PLEKHA5: variants seen among roughly 807,000 people sequenced by gnomAD.
The protein encoded by PLEKHA5 is pleckstrin homology domain containing A5.
A neutral mutation model predicts 181.9 loss-of-function variants in PLEKHA5; 55 were observed. The observed-to-expected ratio is 0.30, with a 90% CI of 0.24 to 0.38. PLEKHA5 has a LOEUF of 0.38. PLEKHA5 is among the 10% of genes least tolerant of loss of function. PLEKHA5 has a pLI of 1.00. For missense variants in PLEKHA5, 1,432 were observed against 1,549.5 expected, an observed-to-expected ratio of 0.92 and a Z score of 1.27; for synonymous variants, 535 against 529.4, an observed-to-expected ratio of 1.01 and a Z score of -0.15.
rs2050509098 is a variant in PLEKHA5 at position 19,189,168 on chromosome 12, G to A, written c.227+56718G>A. 2.0e-5 allele frequency among the ~76,000 whole-genome samples: 3 copies of A among 152,188 alleles called. No individual in the cohort carries two copies. In the South Asian group the frequency reaches 6.2e-4, roughly 32 times the overall value. On this transcript the variant is annotated intron_variant, in intron 3 of 31. Coordinates refer to ENST00000429027, the MANE Select transcript of PLEKHA5 (RefSeq NM_001256470.2). ...GTGCCTGGAACTAGGCAAGCAAGAT[G>A]GGGTCCCCTAGCCATGGCTGGTGAG...
chr12:19,324,233 A>C (rs550555755), intron 20 of PLEKHA5, among the ~76,000 whole-genome samples: 13 of 152,280 alleles, frequency 8.5e-5, no homozygotes, highest in Admixed American at 8.5e-4. Flanking sequence ...AACGTGAGCC[A>C]TTTTTAAAGG....
intron 3 of PLEKHA5, among the ~76,000 whole-genome samples, chr12:19,158,214 G>T (rs185207034): frequency 6.6e-6 from 1 of 152,014 alleles, no homozygotes. Flanking sequence ...TTAGCCGGGC[G>T]TGGTGGCGGG....
intron 13 of PLEKHA5, among the ~76,000 whole-genome samples, chr12:19,288,590 T>C (rs538215103): frequency 5.3e-5 from 8 of 152,366 alleles, no homozygotes; most frequent in South Asian, 4.1e-4. Flanking sequence ...ATTCATCTTA[T>C]GTGTTTTGTA....
intron 15 of PLEKHA5, among the ~76,000 whole-genome samples, chr12:19,304,064 C>T (rs1592397702): frequency 6.6e-6 from 1 of 151,908 alleles, no homozygotes; most frequent in Non-Finnish European, 1.5e-5. Flanking sequence ...CTGCCTTGGC[C>T]TCCCAAAGTG....
intron 29 of PLEKHA5, among the ~76,000 whole-genome samples, chr12:19,365,318 A>G (rs775271718): frequency 5.3e-5 from 8 of 151,214 alleles, no homozygotes; most frequent in Non-Finnish European, 1.2e-4. Context: ...GTGAGCCTAG[A>G]TCGCGCCACT....
intron 3 of PLEKHA5, among the ~76,000 whole-genome samples, chr12:19,136,208 T>C (rs557174482): frequency 1.3e-5 from 2 of 152,296 alleles, no homozygotes; most frequent in Admixed American, 6.5e-5. Flanking sequence ...TTTAAAGATA[T>C]TTAATACTTT....
At chr12:19,162,477 T>G (rs2043185016) in intron 3 of PLEKHA5, among the ~76,000 whole-genome samples, 1 of 152,022 alleles carries the variant, frequency 6.6e-6, no homozygotes, top group African/African-American at 2.4e-5. Flanking sequence ...ATGGATAGCA[T>G]TTACCTTGTA....
At chr12:19,136,461 C>T (rs2035686976) in intron 3 of PLEKHA5, among the ~76,000 whole-genome samples, 1 of 152,142 alleles carries the variant, frequency 6.6e-6, no homozygotes. Flanking sequence ...TAACTTAGCC[C>T]ATAAAGCACA....
At chr12:19,354,301 G>A (rs1207299515) in intron 26 of PLEKHA5, among the ~76,000 whole-genome samples, 100 of 130,442 alleles carry the variant, frequency 7.7e-4, no homozygotes, top group East Asian at 3.6e-3. Flanking sequence ...ACAGGCGCCC[G>A]CCACCACGCC....
intron 11 of PLEKHA5, among the ~76,000 whole-genome samples, chr12:19,279,837 T>C (rs2075609615): frequency 6.6e-6 from 1 of 151,880 alleles, no homozygotes. Context: ...ATCAACCACT[T>C]TTCCTGTTTT....
Position 19,291,639 on chromosome 12 carries a change from A to G in PLEKHA5, c.1984-5A>G, listed in dbSNP as rs2078483128. 6.7e-7 allele frequency: 1 copy of G among 1,496,228 alleles called. No homozygotes were observed. Among genetic ancestry groups the G allele is most frequent in the African/African-American group, 1.4e-5 (1 of 72,158 alleles). The allele number at this position is 1,496,228 out of a possible 1,614,324, so 92.7% of individuals were successfully genotyped here. A position where few individuals can be genotyped will look rare whatever the true frequency, so the allele number is the denominator to read the frequency against. On this transcript the variant is annotated splice_region_variant and splice_polypyrimidine_tract_variant and intron_variant, in intron 14 of 31. Coordinates refer to ENST00000429027, the MANE Select transcript of PLEKHA5 (RefSeq NM_001256470.2). The stretch of plus-strand genomic sequence containing the variant: ...GTCCCTTTTTTCTTAATTGGTGCCT[A>G]CTAGAATGAAATTCTTTCACATCAT...
chr12:19,249,827 T>G (rs2064787978), intron 3 of PLEKHA5, among the ~76,000 whole-genome samples: 1 of 152,208 alleles, frequency 6.6e-6, no homozygotes, highest in Non-Finnish European at 1.5e-5. Context: ...TGCCATTGTT[T>G]TCTGCTACCT....
At chr12:19,157,341 C>T (rs557088527) in intron 3 of PLEKHA5, among the ~76,000 whole-genome samples, 3 of 152,120 alleles carry the variant, frequency 2.0e-5, no homozygotes, top group Admixed American at 2.0e-4. Context: ...AGTCTACAAA[C>T]TCTTCATGAA....
intron 3 of PLEKHA5, among the ~76,000 whole-genome samples, chr12:19,166,880 T>C (rs771885616): frequency 2.1e-4 from 32 of 152,230 alleles, no homozygotes; most frequent in Non-Finnish European, 3.7e-4. Context: ...TATATTTGTT[T>C]AAATTAAGTT....
At chr12:19,142,391 A>G (rs1177786023) in intron 3 of PLEKHA5, among the ~76,000 whole-genome samples, 2 of 152,164 alleles carry the variant, frequency 1.3e-5, no homozygotes, top group Non-Finnish European at 2.9e-5. Context: ...TTTAAAAGCT[A>G]TTCAACATAA....
At chr12:19,177,892 A>G (rs1351040548) in intron 3 of PLEKHA5, among the ~76,000 whole-genome samples, 1 of 152,204 alleles carries the variant, frequency 6.6e-6, no homozygotes, top group Non-Finnish European at 1.5e-5. Context: ...CTTTTCTGTG[A>G]TGTAGCCAGT....
intron 3 of PLEKHA5, among the ~76,000 whole-genome samples, chr12:19,160,575 T>C (rs1445339985): frequency 2.6e-5 from 4 of 152,152 alleles, no homozygotes; most frequent in Non-Finnish European, 5.9e-5. Context: ...CCTATACATT[T>C]ATATAATAAG....
At chr12:19,273,842 T>C (rs1305323919) in intron 10 of PLEKHA5, among the ~76,000 whole-genome samples, 2 of 152,118 alleles carry the variant, frequency 1.3e-5, no homozygotes, top group African/African-American at 4.8e-5. Context: ...CTCATCTGAT[T>C]CTCACAAGAA....
intron 3 of PLEKHA5, among the ~76,000 whole-genome samples, chr12:19,134,419 A>T (rs930332880): frequency 2.6e-5 from 4 of 152,058 alleles, no homozygotes; most frequent in Admixed American, 2.6e-4. Context: ...AATAACTTAT[A>T]ATATTATGGA....
Sources: gnomAD v4.1 joint callset for allele counts (sites outside exome capture counted in the v4.1 genomes callset) on GRCh38, gnomAD v4.1.1 for gene constraint, MANE v1.5 for transcripts, NCBI Gene and HGNC (gene_info 2026-07-23, HGNC 2026-07-21) for gene names.